Variants in SULF1 observed in about 807,000 individuals in gnomAD.
The protein encoded by SULF1 is sulfatase 1.
Under a neutral mutation model 110.5 loss-of-function variants are expected in SULF1, and 46 were observed. The ratio of observed to expected loss-of-function variants is 0.42; its 90% confidence interval spans 0.33 to 0.53. The LOEUF (loss-of-function observed/expected upper bound fraction) is 0.53, where lower values mean the gene tolerates loss of function less well. SULF1 is among the 20% of genes least tolerant of loss of function. SULF1 has a pLI of 0.12. For synonymous variants in SULF1, 371 were observed against 387.1 expected (o/e 0.96, Z 0.49); for missense variants, 941 against 1,094.2 (o/e 0.86, Z 1.98).
chr8:69,536,917 C>G (rs965742685), intron 3 of SULF1, among the ~76,000 whole-genome samples: 2 of 152,132 alleles, frequency 1.3e-5, no homozygotes, highest in Admixed American at 1.3e-4. Flanking sequence ...AGGACCCAGG[C>G]GCTTGACTGC....
chr8:69,472,377 CT>C (rs1809121023), intron 1 of SULF1, among the ~76,000 whole-genome samples: 2 of 152,174 alleles, frequency 1.3e-5, no homozygotes, highest in African/African-American at 4.8e-5. Flanking sequence ...TAGACTTCAC[CT>C]TCAAACCAAA....
chr8:69,505,267 A>T (rs1225725755), intron 3 of SULF1, among the ~76,000 whole-genome samples: 1 of 152,162 alleles, frequency 6.6e-6, no homozygotes, highest in Non-Finnish European at 1.5e-5. Context: ...ACACCTATGG[A>T]ACAGATTGCT....
At chr8:69,574,867 G>A (rs2150742103) in intron 5 of SULF1, among the ~76,000 whole-genome samples, 1 of 152,350 alleles carries the variant, frequency 6.6e-6, no homozygotes, top group African/African-American at 2.4e-5. Flanking sequence ...TATGCGTCAT[G>A]TGAACGGTAA....
At chr8:69,510,620 GT>G (rs11333922) in intron 3 of SULF1, among the ~76,000 whole-genome samples, 94,490 of 130,912 alleles carry the variant, frequency 0.72, 32,953 homozygotes, top group South Asian at 0.82. Flanking sequence ...GTTTTTTTTT[GT>G]TTTTTTTTTT....
At chr8:69,651,517 T>C (rs991707031) in intron 22 of SULF1, among the ~76,000 whole-genome samples, 1 of 152,040 alleles carries the variant, frequency 6.6e-6, no homozygotes, top group Non-Finnish European at 1.5e-5. Flanking sequence ...TATACTTTTA[T>C]CATGTTAAGG....
At chr8:69,466,935 G>C (rs1484072883) in exon 1 of SULF1, 2 of 152,198 alleles carry the variant, frequency 1.3e-5, no homozygotes, top group Non-Finnish European at 2.9e-5. Flanking sequence ...CACAAGAAAA[G>C]CAGTTTTTTT....
rs535690899 is a variant in SULF1, at chr8:69,577,544, G to A, written c.412+1335G>A. ...CTAGTAGCAAACATGGAACTGGAAC[G>A]ATTGGGACTCTCACATATCCAGAGT... is the stretch of plus-strand genomic sequence containing the variant. On this transcript the variant is annotated intron_variant, in intron 6 of 22. Transcript: ENST00000402687. Among the ~76,000 whole-genome samples, 6 of 152,262 alleles carry A rather than the reference G, an allele frequency of 3.9e-5. No homozygotes were observed. The East Asian group carries it at 1.2e-3, about 29-fold the overall frequency.
At chr8:69,496,138 G>T (rs1408096354) in intron 2 of SULF1, among the ~76,000 whole-genome samples, 3 of 152,200 alleles carry the variant, frequency 2.0e-5, no homozygotes, top group Non-Finnish European at 4.4e-5. Flanking sequence ...GGATTTCCTG[G>T]ATTTCAGAGC....
chr8:69,594,611 G>A (rs916791338), intron 8 of SULF1, among the ~76,000 whole-genome samples: 1 of 152,034 alleles, frequency 6.6e-6, no homozygotes, highest in Admixed American at 6.5e-5. Flanking sequence ...TCTAAAGCTG[G>A]AAAGAAATGT....
At chr8:69,553,212 C>A (rs190531773) in intron 3 of SULF1, among the ~76,000 whole-genome samples, 1 of 152,228 alleles carries the variant, frequency 6.6e-6, no homozygotes, top group Admixed American at 6.5e-5. Flanking sequence ...CATGCCAGAG[C>A]ATCATTTTTG....
chr8:69,597,298 G>A (rs1266144034), intron 8 of SULF1: 1 of 152,260 alleles, frequency 6.6e-6, no homozygotes, highest in East Asian at 1.9e-4. Context: ...AGTGACCCCC[G>A]ACCTTCCACC....
intron 3 of SULF1, among the ~76,000 whole-genome samples, chr8:69,507,366 G>A (rs1374277344): frequency 3.9e-5 from 6 of 152,188 alleles, no homozygotes; most frequent in Admixed American, 3.9e-4. Context: ...TCCACTTACA[G>A]AGGAAGCATT....
At chr8:69,577,145 C>G (rs1046306309) in intron 6 of SULF1, among the ~76,000 whole-genome samples, 1 of 152,168 alleles carries the variant, frequency 6.6e-6, no homozygotes, top group African/African-American at 2.4e-5. Flanking sequence ...AGTCTCGACT[C>G]GAAGCAGCTC....
intron 3 of SULF1, among the ~76,000 whole-genome samples, chr8:69,548,888 T>C (rs569453235): frequency 6.6e-6 from 1 of 152,170 alleles, no homozygotes; most frequent in African/African-American, 2.4e-5. Flanking sequence ...TATGTTAGAT[T>C]TTGCCACAAT....
rs139049393 is a variant in SULF1 at position 69,653,484 on chromosome 8, A to T, written c.2586-5021A>T. Among the ~76,000 whole-genome samples, 161 of 152,382 alleles carry T rather than the reference A, an allele frequency of 1.1e-3. 2 individuals are homozygous for T. Among genetic ancestry groups the T allele is most frequent in the African/African-American group, 3.8e-3 (156 of 41,594 alleles). On this transcript the variant is annotated intron_variant, in intron 22 of 22. Coordinates refer to ENST00000402687, the MANE Select transcript of SULF1 (RefSeq NM_001128205.2). ...AAGAGGTACATAGGCTAAGGTCCAGATGGGTCCCAAACGCAGAAGCTTCTG... is the reference window on the plus strand; with the variant it reads ...AAGAGGTACATAGGCTAAGGTCCAGTTGGGTCCCAAACGCAGAAGCTTCTG...
chr8:69,587,308 G>C (rs1276509642), intron 7 of SULF1, among the ~76,000 whole-genome samples: 1 of 152,094 alleles, frequency 6.6e-6, no homozygotes, highest in African/African-American at 2.4e-5. Context: ...CCGAGAATCT[G>C]CTCTATCTAG....
chr8:69,636,075 G>T (rs138715948), intron 19 of SULF1, among the ~76,000 whole-genome samples: 1 of 152,236 alleles, frequency 6.6e-6, no homozygotes, highest in Non-Finnish European at 1.5e-5. Context: ...TGCTCATTAC[G>T]TGTACCTATC....
At chr8:69,631,451 C>A (rs943044778) in intron 19 of SULF1, among the ~76,000 whole-genome samples, 3 of 152,310 alleles carry the variant, frequency 2.0e-5, no homozygotes, top group East Asian at 1.9e-4. Context: ...TTTTCTTAAG[C>A]TAAAGAGCAG....
At chr8:69,621,557 T>A (rs550058420) in intron 14 of SULF1, among the ~76,000 whole-genome samples, 1 of 152,360 alleles carries the variant, frequency 6.6e-6, no homozygotes, top group Admixed American at 6.5e-5. Context: ...ATGGTTTAAG[T>A]CCATTTTATT....
Sources: allele counts gnomAD v4.1 joint callset (sites outside exome capture counted in the v4.1 genomes callset), GRCh38; gene constraint gnomAD v4.1.1; transcripts MANE v1.5; gene names NCBI Gene and HGNC (gene_info 2026-07-23, HGNC 2026-07-21).